COL10A1: variants seen among roughly 807,000 people sequenced by gnomAD.
The protein encoded by COL10A1 is collagen alpha-1(X) chain.
A neutral mutation model predicts 18.2 loss-of-function variants in COL10A1; 10 were observed. The observed-to-expected ratio is 0.55, with a 90% CI of 0.34 to 0.93. COL10A1 has a LOEUF of 0.93. COL10A1 is among the 40% of genes least tolerant of loss of function. The pLI is 0.02. For synonymous variants in COL10A1, 330 were observed against 316.6 expected, an observed-to-expected ratio of 1.04 and a Z score of -0.45; for missense variants, 897 against 853.5, an observed-to-expected ratio of 1.05 and a Z score of -0.64.
At chr6:116,162,465 A>T (rs1780357447), upstream of COL10A1, among the ~76,000 whole-genome samples, 1 of 152,060 alleles carries the variant, frequency 6.6e-6, no homozygotes, top group South Asian at 2.1e-4. Flanking sequence ...TGCCTAGTTT[A>T]TTTATAATTT....
At chr6:116,191,361 G>A in the COL10A1 span, among the ~76,000 whole-genome samples, 1 of 151,952 alleles carries the variant, frequency 6.6e-6, no homozygotes, top group Admixed American at 6.6e-5. Context: ...AAACCCTACT[G>A]TACTTACTGT....
chr6:116,206,480 C>A, the COL10A1 span, among the ~76,000 whole-genome samples: 1 of 151,938 alleles, frequency 6.6e-6, no homozygotes, highest in African/African-American at 2.4e-5. Flanking sequence ...TGGGTCCATA[C>A]CACCCAGGAA....
chr6:116,159,333 TTCAAG>T (rs759345039), upstream of COL10A1, among the ~76,000 whole-genome samples: 3 of 152,192 alleles, frequency 2.0e-5, no homozygotes, highest in Non-Finnish European at 2.9e-5. Context: ...AAAAGACACT[TTCAAG>T]TCATTATTTC....
rs781557450 is a variant in COL10A1, at chr6:116,121,187, C to G, written c.929G>C (p.Arg310Thr). 1 of 1,613,318 alleles carries G rather than the reference C, an allele frequency of 6.2e-7. No homozygotes were observed. Among genetic ancestry groups the G allele is most frequent in the Non-Finnish European group, 8.5e-7 (1 of 1,179,710 alleles). Residue 310 changes from arginine (R) to threonine (T), a missense_variant, in exon 3 of 3, where the codon AGA becomes ACA. Transcript: ENST00000651968. The stretch of plus-strand genomic sequence containing the variant: ...ACCCCCAGGAAGGCCAGCAGGTCCT[C>G]TTTCTCCCTTCAGGCCTGGCAAGCC... ...KPGLPGLKGE[R>T]GPAGLPGGPG...
intron 1 of COL10A1, among the ~76,000 whole-genome samples, chr6:116,154,459 C>G (rs1228481127): frequency 6.6e-6 from 1 of 151,998 alleles, no homozygotes; most frequent in Non-Finnish European, 1.5e-5. Flanking sequence ...ATACTCCTTG[C>G]TACAGGTGAT....
At chr6:116,178,585 CA>C in the COL10A1 span, among the ~76,000 whole-genome samples, 2 of 152,170 alleles carry the variant, frequency 1.3e-5, no homozygotes, top group African/African-American at 4.8e-5. Context: ...GCCAAATTAC[CA>C]AGTGTTCCCA....
In COL10A1 at chr6:116,120,470, A is replaced by G; in HGVS notation, c.1646T>C (p.Met549Thr). Residue 549 changes from methionine to threonine, a missense_variant, in exon 3 of 3, where the codon ATG becomes ACG. By Grantham distance (81) the Met-to-Thr change is moderately conservative. Transcript: ENST00000651968. The stretch of plus-strand genomic sequence containing the variant: ...AATAACAGTAAAAGCAGACACAGGC[A>G]TTCCTGTTACCCCCTGGTTGGCACT... ...LVSANQGVTG[M>T]PVSAFTVILS... The G allele has an allele frequency of 6.2e-7, 1 of 1,614,248 alleles. No individual in the cohort carries two copies. Among genetic ancestry groups the G allele is most frequent in the East Asian group, 2.2e-5 (1 of 44,884 alleles).
At chr6:116,189,547 A>G in the COL10A1 span, among the ~76,000 whole-genome samples, 3 of 151,994 alleles carry the variant, frequency 2.0e-5, no homozygotes, top group Non-Finnish European at 4.4e-5. Context: ...ACGAATGAGT[A>G]TTGGATGACA....
chr6:116,127,710 A>G (rs926060642), upstream of COL10A1, among the ~76,000 whole-genome samples: 1 of 152,124 alleles, frequency 6.6e-6, no homozygotes, highest in Admixed American at 6.5e-5. Context: ...ATTAAAATAT[A>G]TATTTTAATA....
chr6:116,190,233 G>T, the COL10A1 span, among the ~76,000 whole-genome samples: 7 of 151,768 alleles, frequency 4.6e-5, no homozygotes, highest in Non-Finnish European at 7.4e-5. Flanking sequence ...AGCATTCCCT[G>T]AGCCAAAACA....
chr6:116,150,549 C>G (rs1054827088), intron 1 of COL10A1, among the ~76,000 whole-genome samples: 2 of 152,072 alleles, frequency 1.3e-5, no homozygotes. Flanking sequence ...CCTCCCAAAA[C>G]GCTGGGATTA....
At chr6:116,163,780 T>C in the COL10A1 span, among the ~76,000 whole-genome samples, 6 of 152,220 alleles carry the variant, frequency 3.9e-5, no homozygotes, top group Non-Finnish European at 5.9e-5. Flanking sequence ...ACACTGCTTT[T>C]GCTGTATCCT....
rs745338777 is a variant in COL10A1, at chr6:116,120,482, C to T, written c.1634G>A (p.Gly545Glu). ...SGTPLVSANQ[G>E]VTGMPVSAFT... is the part of the protein sequence containing the mutation. ...AGCAGACACAGGCATTCCTGTTACC[C>T]CCTGGTTGGCACTAACAAGAGGGGT... is the stretch of plus-strand genomic sequence containing the variant. Residue 545 changes from glycine to glutamate, a missense_variant, in exon 3 of 3, where the codon GGG becomes GAG. By Grantham distance (98) the Gly-to-Glu change is moderately conservative. Coordinates refer to ENST00000651968, the MANE Select transcript of COL10A1 (RefSeq NM_000493.4). 1 of 1,614,202 alleles carries T rather than the reference C, an allele frequency of 6.2e-7. No homozygotes were observed. Among genetic ancestry groups the T allele is most frequent in the Non-Finnish European group, 8.5e-7 (1 of 1,180,032 alleles).
intron 1 of COL10A1, among the ~76,000 whole-genome samples, chr6:116,150,447 A>G (rs376221773): frequency 6.6e-6 from 1 of 151,790 alleles, no homozygotes; most frequent in East Asian, 1.9e-4. Flanking sequence ...ACCACACCCA[A>G]CTAATTTTTC....
In COL10A1 at chr6:116,120,393, A is replaced by C; in HGVS notation, c.1723T>G (p.Leu575Val). ...TCATAATGCTGTTGCCTGTTATACAAAATTTTATCAAATGGTATGGGAGTT... is the reference window on the plus strand; with the variant it reads ...TCATAATGCTGTTGCCTGTTATACACAATTTTATCAAATGGTATGGGAGTT... ...IGTPIPFDKI[L>V]YNRQQHYDPR... Residue 575 changes from leucine (L) to valine (V), a missense_variant, in exon 3 of 3, where the codon TTG (leucine) becomes GTG (valine). Physicochemically the swap from Leu to Val is conservative, Grantham distance 32. Transcript: ENST00000651968. The C allele has an allele frequency of 6.2e-7, 1 of 1,614,256 alleles. No homozygotes were observed. Among genetic ancestry groups the C allele is most frequent in the South Asian group, 1.1e-5 (1 of 91,088 alleles).
At chr6:116,178,436 G>A in the COL10A1 span, among the ~76,000 whole-genome samples, 3 of 152,126 alleles carry the variant, frequency 2.0e-5, no homozygotes, top group Non-Finnish European at 2.9e-5. Flanking sequence ...TTTATGGTCA[G>A]GTATAAGAAT....
chr6:116,126,204 C>T (rs1240073496), upstream of COL10A1: 1 of 152,190 alleles, frequency 6.6e-6, no homozygotes, highest in East Asian at 1.9e-4. Flanking sequence ...TGAGCTTAAG[C>T]TCCTCCCCTC....
rs770746546 is a variant in COL10A1 at position 116,121,208 on chromosome 6, A to C, written c.908T>G (p.Leu303Trp). Residue 303 changes from leucine (L) to tryptophan (W), a missense_variant, in exon 3 of 3, where the codon TTG becomes TGG. Coordinates refer to ENST00000651968, the MANE Select transcript of COL10A1 (RefSeq NM_000493.4). Reference sequence around the variant, plus strand: ...TCCTCTTTCTCCCTTCAGGCCTGGCAAGCCTGGTTTCCCAAAGCCAGGAGG... The same window carrying C: ...TCCTCTTTCTCCCTTCAGGCCTGGCCAGCCTGGTTTCCCAAAGCCAGGAGG... ...PGPPGFGKPG[L>W]PGLKGERGPA... 9.3e-6 allele frequency: 15 copies of C among 1,613,522 alleles called. 1 individual carries two copies. In the South Asian group the frequency reaches 1.6e-4, roughly 18 times the overall value.
chr6:116,197,754 G>C, the COL10A1 span, among the ~76,000 whole-genome samples: 1 of 152,102 alleles, frequency 6.6e-6, no homozygotes, highest in Non-Finnish European at 1.5e-5. Context: ...GATTCAGTGA[G>C]ATAATGTATA....
Sources: gnomAD v4.1 joint callset for allele counts (sites outside exome capture counted in the v4.1 genomes callset) on GRCh38, gnomAD v4.1.1 for gene constraint, MANE v1.5 for transcripts, NCBI Gene and HGNC (gene_info 2026-07-23, HGNC 2026-07-21) for gene names.